GTPBP4: variants seen among roughly 807,000 people sequenced by gnomAD.
GTPBP4 encodes GTP binding protein 4.
GTPBP4 carries 15 observed loss-of-function variants against 81.7 expected under a neutral mutation model. The ratio of observed to expected loss-of-function variants is 0.18; its 90% CI spans 0.12 to 0.28. The LOEUF (loss-of-function observed/expected upper bound fraction) is 0.28, where lower values mean the gene tolerates loss of function less well. Among genes scored for constraint, GTPBP4 ranks in the 10% least tolerant of loss-of-function variants. The pLI is 1.00. For synonymous variants in GTPBP4, 272 were observed against 274.6 expected, an observed-to-expected ratio of 0.99 and a Z score of 0.09; for missense variants, 847 against 793.8, an observed-to-expected ratio of 1.07 and a Z score of -0.81.
intron 13 of GTPBP4, among the ~76,000 whole-genome samples, chr10:1,011,836 T>C (rs1042102627): frequency 6.6e-6 from 1 of 152,218 alleles, no homozygotes; most frequent in African/African-American, 2.4e-5. Context: ...TCTTCCCCTC[T>C]GCAGTGCGCG....
intron 13 of GTPBP4, among the ~76,000 whole-genome samples, chr10:1,011,817 T>G (rs1426766258): frequency 6.6e-6 from 1 of 152,174 alleles, no homozygotes; most frequent in Non-Finnish European, 1.5e-5. Context: ...GCCGCCTGCC[T>G]TCCCAGCCTC....
intron 1 of GTPBP4, 136 bp downstream of exon 1, chr10:988,663 G>A (rs773902175): frequency 1.8e-5 from 12 of 664,760 alleles, no homozygotes; most frequent in Non-Finnish European, 2.9e-5. Flanking sequence ...CTGACCGTCT[G>A]GCCGCGTACT....
rs546195412 is a variant in GTPBP4 at position 1,016,284 on chromosome 10, G to A, written c.1752+388G>A. Among the ~76,000 whole-genome samples the A allele has an allele frequency of 6.6e-4, 100 of 152,338 alleles. No individual in the cohort carries two copies. The South Asian group carries it at 0.017, about 26-fold the overall frequency. ...GCAGAGGGAACTCCTGGGTTGATTG[G>A]CGGGTGATCCTGCTCATCCTTAGGT... is the stretch of plus-strand genomic sequence containing the variant. On this transcript the variant is annotated intron_variant, in intron 16 of 16. Coordinates refer to ENST00000360803, the MANE Select transcript of GTPBP4 (RefSeq NM_012341.3).
At chr10:1,004,662 C>T (rs1048081422) in intron 8 of GTPBP4, among the ~76,000 whole-genome samples, 8 of 152,174 alleles carry the variant, frequency 5.3e-5, no homozygotes, top group Admixed American at 4.6e-4. Flanking sequence ...TGAGAGGCCA[C>T]GGTGCTATTT....
chr10:1,018,785 T>G lies in GTPBP4; in HGVS notation c.*1558T>G, dbSNP rs1381988485. 1.4e-5 allele frequency: 2 copies of G among 144,252 alleles called. No homozygotes were observed. The highest frequency in any genetic ancestry group is 2.6e-5 in the African/African-American group (1 of 38,428). 8.9% of individuals were successfully genotyped at this position (144,252 alleles called of 1,614,324 possible). On this transcript the variant is annotated 3_prime_UTR_variant, in exon 17 of 17. Coordinates refer to ENST00000360803, the MANE Select transcript of GTPBP4 (RefSeq NM_012341.3). ...ATCGCACCACTGCACTCCAGCCTGG[T>G]CGACAGCGAGACTCCATCTCAAAAA...
In GTPBP4 at chr10:993,719, T is replaced by G. The variant is rs57450393; in HGVS notation, c.219+1060T>G. Among the ~76,000 whole-genome samples the G allele has an allele frequency of 2.7e-3, 404 of 152,272 alleles. 6 individuals are homozygous for G. The highest frequency in any genetic ancestry group is 9.5e-3 in the African/African-American group (393 of 41,546). ...TAAATCTGCCGTTGCCCCAGAATAG[T>G]CCCTGAAGGCAGGTGTAGGCAGAGA... On this transcript the variant is annotated intron_variant, in intron 2 of 16. Coordinates refer to ENST00000360803, the MANE Select transcript of GTPBP4 (RefSeq NM_012341.3).
chr10:1,013,784 C>G (rs1160822268), intron 14 of GTPBP4, among the ~76,000 whole-genome samples: 2 of 152,200 alleles, frequency 1.3e-5, no homozygotes, highest in Non-Finnish European at 2.9e-5. Context: ...CAGGATGCCT[C>G]TCAGTGGGTC....
chr10:1,015,984 T>C, intron 16 of GTPBP4, 88 bp downstream of exon 16: 1 of 1,169,876 alleles, frequency 8.5e-7, no homozygotes, highest in South Asian at 1.4e-5. Context: ...CAGTTGCCAT[T>C]TGCAGGAACT....
intron 8 of GTPBP4, 99 bp from the exon 9 acceptor site, chr10:1,005,719 T>C: frequency 1.4e-6 from 1 of 724,876 alleles, no homozygotes; most frequent in Non-Finnish European, 2.5e-6. Context: ...CAACCACAGA[T>C]GTTCACATTT....
chr10:1,009,071 G>A (rs1317251493), intron 11 of GTPBP4, 36 bp downstream of exon 11: 3 of 1,469,090 alleles, frequency 2.0e-6, no homozygotes, highest in Non-Finnish European at 2.9e-6. Flanking sequence ...TGTTCTCATG[G>A]GGGGAGGCAG....
intron 10 of GTPBP4, 39 bp downstream of exon 10, chr10:1,007,167 T>C (rs757816281): frequency 9.2e-7 from 1 of 1,084,576 alleles, no homozygotes; most frequent in Non-Finnish European, 1.4e-6. Context: ...CTCACAGTAC[T>C]GTCAGCAGGT....
chr10:1,008,861 C>T (rs1831799537), intron 10 of GTPBP4, 97 bp from the exon 11 acceptor site: 1 of 894,104 alleles, frequency 1.1e-6, no homozygotes, highest in Middle Eastern at 2.1e-4. Flanking sequence ...TTTTCTGTTC[C>T]CCTTGCACGT....
intron 6 of GTPBP4, among the ~76,000 whole-genome samples, 198 bp downstream of exon 6, chr10:999,293 G>GT (rs1343704100): frequency 6.6e-6 from 1 of 151,944 alleles, no homozygotes; most frequent in East Asian, 1.9e-4. Flanking sequence ...CAATTTTTGT[G>GT]TTTTTTTAGT....
At chr10:1,007,943 G>T in intron 10 of GTPBP4, 1 of 518,072 alleles carries the variant, frequency 1.9e-6, no homozygotes, top group Non-Finnish European at 3.8e-6. Context: ...GTATTACAAA[G>T]GTTGGATTCT....
rs965873197 is a variant in GTPBP4, at chr10:1,000,658, C to G, written c.655-19C>G. The G allele has an allele frequency of 2.8e-6, 4 of 1,454,170 alleles. No individual in the cohort carries two copies. The highest frequency in any genetic ancestry group is 2.9e-5 in the African/African-American group (2 of 69,984). The allele number at this position is 1,454,170 out of a possible 1,614,324, so 90.1% of individuals were successfully genotyped here. A position where few individuals can be genotyped will look rare whatever the true frequency, so the allele number is the denominator to read the frequency against. ...TTGTGGGTGAGTGTGCTTTCAGTGACAAGGTCTGGCTGTGTTAGGTTGTAG... is the reference window on the plus strand; with the variant it reads ...TTGTGGGTGAGTGTGCTTTCAGTGAGAAGGTCTGGCTGTGTTAGGTTGTAG... On this transcript the variant is annotated intron_variant, in intron 6 of 16. Coordinates refer to ENST00000360803, the MANE Select transcript of GTPBP4 (RefSeq NM_012341.3).
In GTPBP4 at chr10:1,013,655, A is replaced by G. The variant is rs997749215; in HGVS notation, c.1543-592A>G. ...AAAAATCTGGACTCTTTAGCAATTT[A>G]CAGAAACCTGACGCAGTCTACAAAA... On this transcript the variant is annotated intron_variant, in intron 14 of 16. Transcript: ENST00000360803. Among the ~76,000 whole-genome samples the G allele has an allele frequency of 4.6e-5, 7 of 152,322 alleles. No individual in the cohort carries two copies. The East Asian group carries it at 7.7e-4, about 17-fold the overall frequency.
At chr10:991,120 T>C (rs1831434136) in intron 1 of GTPBP4, among the ~76,000 whole-genome samples, 1 of 152,136 alleles carries the variant, frequency 6.6e-6, no homozygotes, top group Admixed American at 6.5e-5. Context: ...GTCTCACTTG[T>C]AGGCCCAGAG....
Position 1,005,852 on chromosome 10 carries a change from C to G in GTPBP4, c.947C>G (p.Pro316Arg), listed in dbSNP as rs568769204. 2.5e-6 allele frequency: 4 copies of G among 1,604,268 alleles called. No homozygotes were observed. Among genetic ancestry groups the G allele is most frequent in the Admixed American group, 3.4e-5 (2 of 59,474 alleles). Residue 316 changes from proline (P) to arginine (R), a missense_variant, in exon 9 of 17, where the codon CCT (proline) becomes CGT (arginine). Transcript: ENST00000360803. ...ACAGATTTGCAGTCTGAAGGATTCC[C>G]TGTAATAGAGACCAGCACCCTGACT... is the stretch of plus-strand genomic sequence containing the variant. ...IFTDLQSEGFPVIETSTLTEE... is the reference protein window; with the variant it reads ...IFTDLQSEGFRVIETSTLTEE...
chr10:999,166 T>C (rs1432854100), intron 6 of GTPBP4, 71 bp downstream of exon 6: 3 of 830,210 alleles, frequency 3.6e-6, no homozygotes, highest in Non-Finnish European at 4.1e-6. Flanking sequence ...TTGCCCAGGC[T>C]GGAGTGCAGT....
Sources: allele counts gnomAD v4.1 joint callset (sites outside exome capture counted in the v4.1 genomes callset), GRCh38; gene constraint gnomAD v4.1.1; transcripts MANE v1.5; gene names NCBI Gene and HGNC (gene_info 2026-07-23, HGNC 2026-07-21).